The following KIF1A variants were observed in gnomAD, a reference collection of about 807,000 sequenced individuals.
The protein encoded by KIF1A is kinesin family member 1A.
Under a neutral mutation model 227.3 loss-of-function variants are expected in KIF1A, and 46 were observed. The ratio of observed to expected loss-of-function variants is 0.20; its 90% CI spans 0.16 to 0.26. The LOEUF (loss-of-function observed/expected upper bound fraction) is 0.26. Ranked by LOEUF, KIF1A falls within the 10% of genes least tolerant of loss-of-function variation. The pLI, the probability that KIF1A is intolerant of heterozygous loss-of-function variation, is 1.00. For synonymous variants in KIF1A, 1,022 were observed against 1,012.8 expected (o/e 1.01, Z -0.17); for missense variants, 1,683 against 2,485.9 (o/e 0.68, Z 6.87).
chr2:240,796,337 C>T (rs965426849), intron 2 of KIF1A, among the ~76,000 whole-genome samples: 2 of 152,308 alleles, frequency 1.3e-5, no homozygotes, highest in East Asian at 1.9e-4. Context: ...ATGCAGCGAG[C>T]GTTGTTGGAA....
chr2:240,818,550 C>G (rs1455526368), intron 1 of KIF1A: 1 of 153,574 alleles, frequency 6.5e-6, no homozygotes. Context: ...CTGACTGCCC[C>G]ACTCCTGACT....
chr2:240,756,490 C>G (rs2049862227), intron 27 of KIF1A, among the ~76,000 whole-genome samples: 1 of 152,248 alleles, frequency 6.6e-6, no homozygotes, highest in South Asian at 2.1e-4. Flanking sequence ...AGCCTCCATT[C>G]TGTCTCCCAA....
intron 31 of KIF1A, 45 bp from the exon 32 acceptor site, chr2:240,745,562 G>A: frequency 1.9e-6 from 3 of 1,547,478 alleles, no homozygotes; most frequent in Non-Finnish European, 2.7e-6. Context: ...GGGGACTTGG[G>A]ATGAGACCTT....
chr2:240,800,321 G>A (rs139302443), intron 1 of KIF1A, among the ~76,000 whole-genome samples: 43 of 152,292 alleles, frequency 2.8e-4, no homozygotes, highest in African/African-American at 9.4e-4. Flanking sequence ...TGCACACCAC[G>A]AAGCATGGAA....
intron 4 of KIF1A, among the ~76,000 whole-genome samples, chr2:240,787,779 G>A (rs1051495598): frequency 6.6e-6 from 1 of 152,196 alleles, no homozygotes; most frequent in African/African-American, 2.4e-5. Flanking sequence ...GCCCCAGCCA[G>A]GGCTCTCCCA....
intron 1 of KIF1A, among the ~76,000 whole-genome samples, chr2:240,808,604 C>T (rs1043147959): frequency 2.6e-5 from 4 of 151,812 alleles, no homozygotes; most frequent in Non-Finnish European, 4.4e-5. Context: ...CTCAGGAGTT[C>T]GAGGCTGCGG....
At chr2:240,748,721 G>GC in intron 28 of KIF1A, 1 of 283,530 alleles carries the variant, frequency 3.5e-6, no homozygotes, top group Admixed American at 5.3e-5. Flanking sequence ...CCCCAGCTGG[G>GC]CCCCCTGATT....
intron 1 of KIF1A, among the ~76,000 whole-genome samples, chr2:240,802,173 T>C (rs952952344): frequency 6.7e-6 from 1 of 149,578 alleles, no homozygotes; most frequent in Non-Finnish European, 1.5e-5. Flanking sequence ...ACAGAAATGA[T>C]AGAAACCAAA....
In KIF1A at chr2:240,726,601, G is replaced by A. The variant is rs1392431017; in HGVS notation, c.4122+225C>T. Among the ~76,000 whole-genome samples, 1 of 151,834 alleles carries A rather than the reference G, an allele frequency of 6.6e-6. No individual in the cohort carries two copies. Among genetic ancestry groups the A allele is most frequent in the Non-Finnish European group, 1.5e-5 (1 of 67,950 alleles). ...AGCCTGGGCGACAAGAGTGAGACTC[G>A]GTCTCAAAAACAAAAAAAAAACAGC... is the stretch of plus-strand genomic sequence containing the variant. On this transcript the variant is annotated intron_variant, in intron 39 of 48. Transcript: ENST00000498729. The surrounding 1 kb of genome is among the most constrained non-coding windows in gnomAD (Gnocchi z 5.2).
intron 10 of KIF1A, among the ~76,000 whole-genome samples, chr2:240,777,311 T>C (rs1040270491): frequency 5.3e-5 from 8 of 152,226 alleles, no homozygotes; most frequent in African/African-American, 1.9e-4. Context: ...CCCAAAGTGC[T>C]GGGATTACAG....
chr2:240,737,858 G>C (rs2047526364), intron 37 of KIF1A, among the ~76,000 whole-genome samples: 1 of 152,232 alleles, frequency 6.6e-6, no homozygotes, highest in South Asian at 2.1e-4. Context: ...TGTTGCGCCA[G>C]GAAGGAACGG....
intron 15 of KIF1A, 78 bp downstream of exon 15, chr2:240,770,893 G>A: frequency 6.5e-7 from 1 of 1,534,836 alleles, no homozygotes; most frequent in Non-Finnish European, 8.9e-7. Flanking sequence ...TACCCAGGAG[G>A]GCAGGGTGCC....
At position 240,739,252 on chromosome 2, in the gene KIF1A, A is replaced by G. The variant is rs1005657540; in HGVS notation, c.3901+806T>C. 6.6e-6 allele frequency among the ~76,000 whole-genome samples: 1 copy of G among 152,212 alleles called. No individual in the cohort carries two copies. Among genetic ancestry groups the G allele is most frequent in the African/African-American group, 2.4e-5 (1 of 41,456 alleles). On this transcript the variant is annotated intron_variant, in intron 37 of 48. Transcript: ENST00000498729. The surrounding 1 kb of genome is among the most constrained non-coding windows in gnomAD (Gnocchi z 5.6). ...GGGCTGGGCTGGCCTCATGCTAGTGACACACTTGAATGGATGACTGTCTGC... is the reference window on the plus strand; with the variant it reads ...GGGCTGGGCTGGCCTCATGCTAGTGGCACACTTGAATGGATGACTGTCTGC...
At chr2:240,813,029 T>C (rs546453555) in intron 1 of KIF1A, among the ~76,000 whole-genome samples, 399 of 152,176 alleles carry the variant, frequency 2.6e-3, no homozygotes, top group African/African-American at 8.9e-3. Context: ...TGCCTTCACC[T>C]CAAGGATCCA....
chr2:240,796,785 C>T (rs902990629), intron 2 of KIF1A, among the ~76,000 whole-genome samples: 4 of 152,132 alleles, frequency 2.6e-5, no homozygotes, highest in Non-Finnish European at 2.9e-5. Context: ...TTCCATAGGA[C>T]GTGACAGAGC....
intron 33 of KIF1A, 54 bp from the exon 34 acceptor site, chr2:240,743,038 CAGA>C: frequency 1.5e-6 from 2 of 1,354,294 alleles, no homozygotes; most frequent in Admixed American, 2.1e-5. Context: ...CGGGAGGGGT[CAGA>C]AGGAGACAGA....
At chr2:240,785,205 C>T (rs577740672) in intron 6 of KIF1A, 105 bp from the exon 7 acceptor site, 7 of 910,844 alleles carry the variant, frequency 7.7e-6, no homozygotes, top group Admixed American at 5.9e-5. Context: ...GGGGCAGTTC[C>T]CCCAGACCCC....
intron 15 of KIF1A, among the ~76,000 whole-genome samples, chr2:240,769,924 C>T (rs555896568): frequency 4.6e-5 from 7 of 152,328 alleles, no homozygotes; most frequent in African/African-American, 1.7e-4. Flanking sequence ...CAAAACAAAT[C>T]TGGAAGGAAA....
At chr2:240,781,109 A>C (rs1470294032) in intron 10 of KIF1A, among the ~76,000 whole-genome samples, 1 of 2,026 alleles carries the variant, frequency 4.9e-4, no homozygotes, top group Non-Finnish European at 8.1e-4. Flanking sequence ...ACACAGCTCC[A>C]CACACACACA....
Sources: allele counts gnomAD v4.1 joint callset (sites outside exome capture counted in the v4.1 genomes callset), GRCh38; gene constraint gnomAD v4.1.1; non-coding constraint Gnocchi (gnomAD v3.1); transcripts MANE v1.5; gene names NCBI Gene and HGNC (gene_info 2026-07-23, HGNC 2026-07-21).